Variants in ARHGEF10 observed in about 807,000 individuals in gnomAD.
ARHGEF10 encodes Rho guanine nucleotide exchange factor (GEF) 10.
ARHGEF10 carries 140 observed loss-of-function variants against 147.4 expected under a neutral mutation model. That is an observed-to-expected ratio of 0.95 (90% CI 0.83 to 1.09). The LOEUF is 1.09. Among genes scored for constraint, ARHGEF10 ranks in the 50% least tolerant of loss-of-function variants. ARHGEF10 has a pLI of 0.00. For missense variants in ARHGEF10, 2,222 were observed against 1,752.7 expected (o/e 1.27, Z -4.78); for synonymous variants, 902 against 695.8 (o/e 1.30, Z -4.67).
chr8:1,921,215 C>T (rs1477672100), intron 18 of ARHGEF10, among the ~76,000 whole-genome samples: 1 of 152,084 alleles, frequency 6.6e-6, no homozygotes, highest in Admixed American at 6.6e-5. Flanking sequence ...CATAAAGTGC[C>T]TGCAAAATTA....
intron 9 of ARHGEF10, 149 bp downstream of exon 9, chr8:1,880,313 T>A: frequency 1.5e-6 from 1 of 679,236 alleles, no homozygotes; most frequent in Non-Finnish European, 2.7e-6. Context: ...GGGGCTCACG[T>A]GGACTCTGAG....
At chr8:1,857,627 C>T (rs1163014451) in intron 2 of ARHGEF10, among the ~76,000 whole-genome samples, 3 of 151,912 alleles carry the variant, frequency 2.0e-5, no homozygotes, top group African/African-American at 7.3e-5. Flanking sequence ...ACCATGTTGG[C>T]CAGGCTGGTC....
chr8:1,898,430 C>T lies in ARHGEF10; in HGVS notation c.1558-3C>T, dbSNP rs1325661154. 2 of 1,613,998 alleles carry T rather than the reference C, an allele frequency of 1.2e-6. No homozygotes were observed. The highest frequency in any genetic ancestry group is 1.7e-6 in the Non-Finnish European group (2 of 1,180,000). On this transcript the variant is annotated splice_region_variant and splice_polypyrimidine_tract_variant and intron_variant, in intron 14 of 28. Coordinates refer to ENST00000349830, the MANE Select transcript of ARHGEF10 (RefSeq NM_014629.4). The stretch of plus-strand genomic sequence containing the variant: ...GAGGTGACCCCGGTGCCTTCCCCCA[C>T]AGCAGGAACAGGAGGCCAGCCCCGA...
chr8:1,875,252 G>GC (rs552286048), intron 7 of ARHGEF10, among the ~76,000 whole-genome samples: 1 of 149,204 alleles, frequency 6.7e-6, no homozygotes, highest in African/African-American at 2.5e-5. Flanking sequence ...ACACACCAGG[G>GC]CGTGTAGGGG....
chr8:1,953,799 C>G (rs1008238902), intron 28 of ARHGEF10, among the ~76,000 whole-genome samples: 1 of 152,128 alleles, frequency 6.6e-6, no homozygotes, highest in Non-Finnish European at 1.5e-5. Flanking sequence ...TTCAGTAAAC[C>G]ACAGCCTTAG....
intron 18 of ARHGEF10, among the ~76,000 whole-genome samples, chr8:1,911,008 C>G (rs1811315149): frequency 6.6e-6 from 1 of 152,158 alleles, no homozygotes; most frequent in Non-Finnish European, 1.5e-5. Flanking sequence ...GTGATTCAAC[C>G]CATTTTTAAA....
chr8:1,866,791 C>G (rs890759284), intron 6 of ARHGEF10, among the ~76,000 whole-genome samples, 189 bp downstream of exon 6: 1 of 152,216 alleles, frequency 6.6e-6, no homozygotes, highest in Admixed American at 6.5e-5. Flanking sequence ...TGTCACTTCC[C>G]GTGAGGCCAC....
chr8:1,854,571 C>A (rs1306188708), intron 2 of ARHGEF10, among the ~76,000 whole-genome samples: 2 of 152,130 alleles, frequency 1.3e-5, no homozygotes, highest in African/African-American at 2.4e-5. Context: ...CTTTCAATGA[C>A]AGCAGAGAGC....
intron 17 of ARHGEF10, among the ~76,000 whole-genome samples, chr8:1,906,407 C>G (rs1190939566): frequency 1.3e-5 from 2 of 152,194 alleles, no homozygotes; most frequent in African/African-American, 4.8e-5. Flanking sequence ...AAGTCATCCA[C>G]ACGGGAACAT....
chr8:1,869,555 C>T (rs572422153), intron 7 of ARHGEF10: 3 of 494,318 alleles, frequency 6.1e-6, no homozygotes, highest in South Asian at 4.4e-5. Flanking sequence ...CAATGTATAT[C>T]GAATAAATGA....
intron 7 of ARHGEF10, among the ~76,000 whole-genome samples, chr8:1,872,743 G>A (rs1400989702): frequency 6.6e-6 from 1 of 152,134 alleles, no homozygotes; most frequent in East Asian, 1.9e-4. Flanking sequence ...AAAATCTACC[G>A]CCAACGTAAT....
intron 1 of ARHGEF10, among the ~76,000 whole-genome samples, chr8:1,835,575 G>A (rs1474204649): frequency 6.6e-6 from 1 of 152,234 alleles, no homozygotes; most frequent in Non-Finnish European, 1.5e-5. Context: ...AGCACTGACT[G>A]TGGAATGGTG....
intron 21 of ARHGEF10, among the ~76,000 whole-genome samples, chr8:1,924,188 G>A (rs1476114157): frequency 6.7e-6 from 1 of 150,156 alleles, no homozygotes; most frequent in Non-Finnish European, 1.5e-5. Flanking sequence ...GGTGCTCAAG[G>A]CGGGCGGCGG....
Position 1,898,438 on chromosome 8 carries a change from A to G in ARHGEF10, c.1563A>G (p.Glu521=), listed in dbSNP as rs761400459. Residue 521 remains glutamate (E), a synonymous_variant, in exon 15 of 29, where the codon GAA becomes GAG. Transcript: ENST00000349830. ...KPAFLEFLKQ[E]QEASPDRTTL... ...CCCGGTGCCTTCCCCCACAGCAGGAACAGGAGGCCAGCCCCGATCGAACCA... is the reference window on the plus strand; with the variant it reads ...CCCGGTGCCTTCCCCCACAGCAGGAGCAGGAGGCCAGCCCCGATCGAACCA... 9 of 1,614,052 alleles carry G rather than the reference A, an allele frequency of 5.6e-6. No individual in the cohort carries two copies. In the South Asian group the frequency reaches 6.6e-5, roughly 12 times the overall value.
At chr8:1,868,531 G>A (rs866849078) in intron 6 of ARHGEF10, among the ~76,000 whole-genome samples, 8 of 152,174 alleles carry the variant, frequency 5.3e-5, no homozygotes, top group African/African-American at 1.9e-4. Flanking sequence ...CATACAGCAC[G>A]GTTTTGCTTA....
intron 22 of ARHGEF10, 50 bp downstream of exon 22, chr8:1,925,454 C>G (rs1388529291): frequency 1.2e-6 from 2 of 1,608,840 alleles, no homozygotes; most frequent in East Asian, 2.2e-5. Flanking sequence ...CCTCGCAGCT[C>G]TGAATGGGCC....
intron 14 of ARHGEF10, among the ~76,000 whole-genome samples, chr8:1,897,219 C>T (rs1269086737): frequency 2.0e-5 from 3 of 152,222 alleles, no homozygotes; most frequent in Non-Finnish European, 2.9e-5. Context: ...CAAGTATTCT[C>T]GCCCACAGCA....
At chr8:1,850,473 G>T (rs967888603) in intron 2 of ARHGEF10, among the ~76,000 whole-genome samples, 2 of 150,834 alleles carry the variant, frequency 1.3e-5, no homozygotes, top group Admixed American at 1.3e-4. Context: ...CGTGGGCATG[G>T]ACGGCAAGTG....
intron 1 of ARHGEF10, among the ~76,000 whole-genome samples, chr8:1,834,186 T>C (rs1351276748): frequency 6.6e-6 from 1 of 152,214 alleles, no homozygotes; most frequent in Non-Finnish European, 1.5e-5. Context: ...CTCCCCAGCA[T>C]GTGGCGCAGA....
Sources: gnomAD v4.1 joint callset for allele counts (sites outside exome capture counted in the v4.1 genomes callset) on GRCh38, gnomAD v4.1.1 for gene constraint, MANE v1.5 for transcripts, NCBI Gene and HGNC (gene_info 2026-07-23, HGNC 2026-07-21) for gene names.